Variants in SLC28A1 observed in about 807,000 individuals in gnomAD.
SLC28A1 encodes solute carrier family 28 member 1.
Under a neutral mutation model 74.8 loss-of-function variants are expected in SLC28A1, and 64 were observed. The observed-to-expected ratio is 0.86, with a 90% confidence interval of 0.70 to 1.05. The LOEUF is 1.05. Ranked by LOEUF, SLC28A1 falls within the 50% of genes least tolerant of loss-of-function variation. The pLI is 0.00. For missense variants in SLC28A1, 828 were observed against 822.8 expected (o/e 1.01, Z -0.08); for synonymous variants, 359 against 335.0 (o/e 1.07, Z -0.78).
At chr15:84,914,962 G>A (rs1968878400) in intron 9 of SLC28A1, among the ~76,000 whole-genome samples, 2 of 152,110 alleles carry the variant, frequency 1.3e-5, no homozygotes, top group South Asian at 4.1e-4. Flanking sequence ...TTGATTGCTG[G>A]CAGGAGAAAG....
chr15:84,965,337 C>T, the SLC28A1 span, among the ~76,000 whole-genome samples: 8 of 152,190 alleles, frequency 5.3e-5, no homozygotes, highest in African/African-American at 1.9e-4. Context: ...AAACCTCTTC[C>T]CTTTATAAAT....
chr15:84,919,640 A>C (rs1297100188), intron 10 of SLC28A1, among the ~76,000 whole-genome samples: 2 of 152,130 alleles, frequency 1.3e-5, no homozygotes, highest in African/African-American at 4.8e-5. Flanking sequence ...GGCCAAACTT[A>C]TCCTTTTTAT....
chr15:84,970,031 C>T, the SLC28A1 span, among the ~76,000 whole-genome samples: 5,850 of 152,270 alleles, frequency 0.038, 385 homozygotes, highest in Admixed American at 0.17. Flanking sequence ...AGATGTATTA[C>T]ACCAAGTAGC....
chr15:84,971,893 C>T, the SLC28A1 span, among the ~76,000 whole-genome samples: 5 of 152,184 alleles, frequency 3.3e-5, no homozygotes, highest in South Asian at 2.1e-4. Flanking sequence ...AAAATCATCC[C>T]GCCTCAGCTT....
chr15:84,896,857 A>C lies in SLC28A1; in HGVS notation c.461+1734A>C, dbSNP rs186530345. 4.4e-3 allele frequency among the ~76,000 whole-genome samples: 664 copies of C among 152,328 alleles called. 4 individuals are homozygous for C. The highest frequency in any genetic ancestry group is 0.015 in the African/African-American group (634 of 41,562). ...AACCTTGGGAACATCATGCTCAGTG[A>C]AAGAAACCAGTCTTAAAGAACCATA... On this transcript the variant is annotated intron_variant, in intron 6 of 18. Transcript: ENST00000394573.
At chr15:84,941,799 G>A (rs144845997) in intron 15 of SLC28A1, among the ~76,000 whole-genome samples, 152 of 110,206 alleles carry the variant, frequency 1.4e-3, no homozygotes, top group East Asian at 0.012. Flanking sequence ...TTGAACCCAG[G>A]AGGCAGAAGT....
chr15:84,940,723 A>G (rs1345056223), intron 15 of SLC28A1: 1 of 161,362 alleles, frequency 6.2e-6, no homozygotes, highest in Non-Finnish European at 1.4e-5. Flanking sequence ...TATTCTCCAC[A>G]GCGGTTTTAT....
downstream of SLC28A1, among the ~76,000 whole-genome samples, chr15:84,946,084 T>TTGTATATATA (rs1567196223): frequency 3.3e-4 from 9 of 27,550 alleles, no homozygotes; most frequent in African/African-American, 1.3e-3. Flanking sequence ...GTGTGTATGT[T>TTGTATATATA]CATATATATA....
intron 6 of SLC28A1, among the ~76,000 whole-genome samples, chr15:84,897,631 A>C (rs1245839480): frequency 6.6e-6 from 1 of 151,052 alleles, no homozygotes; most frequent in African/African-American, 2.4e-5. Flanking sequence ...GTCTTTCTTT[A>C]TGTTAGAACT....
chr15:84,955,802 A>G, the SLC28A1 span, among the ~76,000 whole-genome samples: 3 of 152,186 alleles, frequency 2.0e-5, no homozygotes, highest in Non-Finnish European at 4.4e-5. Context: ...GGTTGTGGAC[A>G]GGAGGAGTCA....
the SLC28A1 span, among the ~76,000 whole-genome samples, chr15:84,958,608 C>G: frequency 6.6e-6 from 1 of 152,036 alleles, no homozygotes; most frequent in Non-Finnish European, 1.5e-5. Flanking sequence ...GCCTGGAGTA[C>G]AGTGGTGCAA....
chr15:84,885,679 C>T (rs925230399), intron 1 of SLC28A1, among the ~76,000 whole-genome samples: 6 of 146,618 alleles, frequency 4.1e-5, no homozygotes, highest in East Asian at 2.0e-4. Context: ...TGCAGTGAAC[C>T]GAGCTCGCAC....
At chr15:84,889,725 CT>C (rs1965104972) in intron 4 of SLC28A1, among the ~76,000 whole-genome samples, 1 of 48,424 alleles carries the variant, frequency 2.1e-5, no homozygotes, top group South Asian at 8.4e-4. Flanking sequence ...TCCTTCCTTC[CT>C]TCCTTCCTTC....
At chr15:84,944,380 C>T (rs562133458) in intron 16 of SLC28A1, among the ~76,000 whole-genome samples, 186 bp from the exon 17 acceptor site, 23 of 152,216 alleles carry the variant, frequency 1.5e-4, no homozygotes, top group African/African-American at 4.8e-4. Flanking sequence ...GGGGCATTGC[C>T]TAGGGGTCCA....
downstream of SLC28A1, among the ~76,000 whole-genome samples, chr15:84,946,083 T>TGTATATATATATATA (rs1321419859): frequency 2.2e-4 from 8 of 36,242 alleles, no homozygotes; most frequent in Non-Finnish European, 3.8e-4. Flanking sequence ...TGTGTGTATG[T>TGTATATATATATATA]TCATATATAT....
In SLC28A1 at chr15:84,888,858, A is replaced by G. The variant is rs750977752; in HGVS notation, c.183A>G (p.Arg61=). ...AGGCGGCGCCGAAGCCCTTCTCCAGATGGTAGGTGATCTCTGGAGAGACAA... is the reference window on the plus strand; with the variant it reads ...AGGCGGCGCCGAAGCCCTTCTCCAGGTGGTAGGTGATCTCTGGAGAGACAA... ...WSEAAPKPFS[R]WRNLQPALRA... Residue 61 remains arginine (R), a splice_region_variant and synonymous_variant, in exon 4 of 19, where the codon AGA becomes AGG. Coordinates refer to ENST00000394573, the MANE Select transcript of SLC28A1 (RefSeq NM_004213.5). 2 of 1,549,690 alleles carry G rather than the reference A, an allele frequency of 1.3e-6. No homozygotes were observed. The highest frequency in any genetic ancestry group is 1.2e-5 in the South Asian group (1 of 84,028).
At chr15:84,929,452 G>C (rs1455466377) in intron 12 of SLC28A1, among the ~76,000 whole-genome samples, 1 of 151,894 alleles carries the variant, frequency 6.6e-6, no homozygotes, top group African/African-American at 2.4e-5. Flanking sequence ...TCTGAGGTGG[G>C]AGAATTGCTT....
In SLC28A1 at chr15:84,921,188, G is replaced by T. The variant is rs942140909; in HGVS notation, c.957+119G>T. 3 of 792,688 alleles carry T rather than the reference G, an allele frequency of 3.8e-6. No individual in the cohort carries two copies. The African/African-American group carries it at 5.1e-5, about 13-fold the overall frequency. The allele number at this position is 792,688 out of a possible 1,614,324, so 49.1% of individuals were successfully genotyped here. On this transcript the variant is annotated intron_variant, in intron 11 of 18. Transcript: ENST00000394573. ...GAAGAGCCATTTGAACCTTCTCCCA[G>T]GGTCATCAAATTCTGCTGCTCCAGG...
rs768074178 is a variant in SLC28A1, at chr15:84,924,084, C to T, written c.1057C>T (p.Leu353=). Residue 353 remains leucine (L), a synonymous_variant, in exon 12 of 19, where the codon CTG becomes TTG. Coordinates refer to ENST00000394573, the MANE Select transcript of SLC28A1 (RefSeq NM_004213.5). ...AGGTTACGCCACCATTGCTGGCAGC[C>T]TGCTGGGTGCCTACATCTCCTTTGG... ...TGGYATIAGS[L]LGAYISFGID... The T allele has an allele frequency of 1.1e-5, 17 of 1,613,768 alleles. No individual in the cohort carries two copies. In the South Asian group the frequency reaches 1.9e-4, roughly 18 times the overall value.
Sources: gnomAD v4.1 joint callset for allele counts (sites outside exome capture counted in the v4.1 genomes callset) on GRCh38, gnomAD v4.1.1 for gene constraint, MANE v1.5 for transcripts, NCBI Gene and HGNC (gene_info 2026-07-23, HGNC 2026-07-21) for gene names.